Variants in LRP6 observed in about 807,000 individuals in gnomAD.
LRP6 encodes the protein low-density lipoprotein receptor-related protein 6.
Under a neutral mutation model 184.1 loss-of-function variants are expected in LRP6, and 43 were observed. The ratio of observed to expected loss-of-function variants is 0.23; its 90% CI spans 0.18 to 0.30. The LOEUF is 0.30. LRP6 is among the 10% of genes least tolerant of loss of function. LRP6 has a pLI of 1.00. For synonymous variants in LRP6, 719 were observed against 684.9 expected (o/e 1.05, Z -0.78); for missense variants, 1,571 against 2,005.3 (o/e 0.78, Z 4.14).
chr12:12,130,273 G>A (rs1051417281), intron 19 of LRP6, among the ~76,000 whole-genome samples: 2 of 145,746 alleles, frequency 1.4e-5, no homozygotes, highest in South Asian at 2.2e-4. Context: ...TGCAACCTCC[G>A]CCTCCTGGGT....
chr12:12,249,845 G>A (rs113917894), intron 1 of LRP6, among the ~76,000 whole-genome samples: 39 of 152,092 alleles, frequency 2.6e-4, no homozygotes, highest in Admixed American at 8.5e-4. Context: ...TCTACCTCCC[G>A]TTAAATTAAA....
At chr12:12,127,872 G>A (rs574427501) in intron 19 of LRP6, among the ~76,000 whole-genome samples, 38 of 152,100 alleles carry the variant, frequency 2.5e-4, no homozygotes, top group South Asian at 4.1e-4. Context: ...AAAGAAATGC[G>A]TGAAAATGAC....
intron 7 of LRP6, among the ~76,000 whole-genome samples, chr12:12,178,790 T>C (rs1201590711): frequency 6.6e-6 from 1 of 152,200 alleles, no homozygotes; most frequent in Non-Finnish European, 1.5e-5. Context: ...GAACAACAGA[T>C]GCCGTTTTCA....
chr12:12,260,969 G>A (rs1284522863), intron 1 of LRP6, among the ~76,000 whole-genome samples: 2 of 152,006 alleles, frequency 1.3e-5, no homozygotes, highest in African/African-American at 2.4e-5. Context: ...AAAAATATAC[G>A]TTCTCATAAA....
intron 3 of LRP6, among the ~76,000 whole-genome samples, chr12:12,189,371 A>T (rs993519938): frequency 1.3e-5 from 2 of 152,250 alleles, no homozygotes; most frequent in Non-Finnish European, 2.9e-5. Context: ...ATTTTAAGAC[A>T]CATATTTTCA....
chr12:12,119,888 T>C lies in LRP6; in HGVS notation c.*1238A>G, dbSNP rs561282852. 1.3e-5 allele frequency: 2 copies of C among 150,544 alleles called. No homozygotes were observed. Among genetic ancestry groups the C allele is most frequent in the East Asian group, 3.9e-4 (2 of 5,124 alleles). The allele number at this position is 150,544 out of a possible 1,614,324, so 9.3% of individuals were successfully genotyped here. ...AGAACATGAAAACATCACAAACTGT[T>C]AATATAGGGAAAATCCTAATAAGAA... On this transcript the variant is annotated 3_prime_UTR_variant, in exon 23 of 23. Coordinates refer to ENST00000261349, the MANE Select transcript of LRP6 (RefSeq NM_002336.3).
At chr12:12,138,969 C>G (rs1388086280) in intron 15 of LRP6, 1 of 1,359,496 alleles carries the variant, frequency 7.4e-7, no homozygotes, top group Non-Finnish European at 9.8e-7. Context: ...AAATGACTGA[C>G]TCACCCCAAG....
chr12:12,140,240 G>C (rs2136890820), intron 15 of LRP6, among the ~76,000 whole-genome samples: 1 of 151,698 alleles, frequency 6.6e-6, no homozygotes, highest in Non-Finnish European at 1.5e-5. Context: ...TCTTCAGAGG[G>C]GCAGAGCATT....
At chr12:12,147,168 G>A (rs1950020704) in intron 15 of LRP6, among the ~76,000 whole-genome samples, 198 bp downstream of exon 15, 1 of 152,044 alleles carries the variant, frequency 6.6e-6, no homozygotes, top group African/African-American at 2.4e-5. Flanking sequence ...AAGAAAACTG[G>A]CAGGTAGTTA....
chr12:12,253,425 CTTTTTT>C (rs897669372), intron 1 of LRP6, among the ~76,000 whole-genome samples: 2 of 151,046 alleles, frequency 1.3e-5, no homozygotes, highest in Non-Finnish European at 3.0e-5. Flanking sequence ...CACTTTTTTT[CTTTTTT>C]TTTATTATTA....
intron 22 of LRP6, among the ~76,000 whole-genome samples, chr12:12,122,100 C>A (rs1949614196): frequency 6.6e-6 from 1 of 152,128 alleles, no homozygotes; most frequent in Admixed American, 6.5e-5. Context: ...CATAAAGGGT[C>A]AGTGAATTTT....
intron 1 of LRP6, among the ~76,000 whole-genome samples, chr12:12,266,093 A>T (rs560157505): frequency 6.6e-6 from 1 of 152,140 alleles, no homozygotes; most frequent in Non-Finnish European, 1.5e-5. Flanking sequence ...AAGGCTCCCA[A>T]TGCTGAAACG....
At chr12:12,206,466 C>G (rs1406504765) in intron 2 of LRP6, among the ~76,000 whole-genome samples, 2 of 151,234 alleles carry the variant, frequency 1.3e-5, no homozygotes, top group African/African-American at 4.9e-5. Flanking sequence ...TGGCGTGAAC[C>G]CGGGACGCGG....
intron 1 of LRP6, among the ~76,000 whole-genome samples, chr12:12,262,957 G>A (rs573609270): frequency 6.6e-6 from 1 of 152,156 alleles, no homozygotes; most frequent in South Asian, 2.1e-4. Flanking sequence ...TCACTTTTAA[G>A]AATGTGTGAA....
At chr12:12,217,810 G>A (rs1864387801) in intron 2 of LRP6, among the ~76,000 whole-genome samples, 1 of 152,188 alleles carries the variant, frequency 6.6e-6, no homozygotes, top group Non-Finnish European at 1.5e-5. Flanking sequence ...AACAAATAGT[G>A]CTGGGATAAC....
chr12:12,244,805 C>G (rs1053848853), intron 1 of LRP6, 150 bp from the exon 2 acceptor site: 2 of 707,586 alleles, frequency 2.8e-6, no homozygotes, highest in East Asian at 5.5e-5. Flanking sequence ...AAACTTCACA[C>G]ACAAAATATT....
intron 2 of LRP6, among the ~76,000 whole-genome samples, chr12:12,233,907 A>G (rs773420830): frequency 6.6e-6 from 1 of 152,188 alleles, no homozygotes; most frequent in Non-Finnish European, 1.5e-5. Flanking sequence ...AGTTGAATAA[A>G]CTATGGTACA....
At chr12:12,198,072 C>T (rs563500066) in intron 3 of LRP6, among the ~76,000 whole-genome samples, 1 of 152,310 alleles carries the variant, frequency 6.6e-6, no homozygotes, top group African/African-American at 2.4e-5. Context: ...GCGCCCACCA[C>T]CATGCTCGGC....
At chr12:12,257,797 A>AT (rs1170673434) in intron 1 of LRP6, among the ~76,000 whole-genome samples, 1 of 143,988 alleles carries the variant, frequency 6.9e-6, no homozygotes, top group East Asian at 2.0e-4. Flanking sequence ...AAAAAAAAAA[A>AT]AAAAAAAAAA....
Sources: allele counts gnomAD v4.1 joint callset (sites outside exome capture counted in the v4.1 genomes callset), GRCh38; gene constraint gnomAD v4.1.1; transcripts MANE v1.5; gene names NCBI Gene and HGNC (gene_info 2026-07-23, HGNC 2026-07-21).